AGMO: variants seen among roughly 807,000 people sequenced by gnomAD.
AGMO encodes the protein glyceryl-ether monooxygenase.
A neutral mutation model predicts 60.2 loss-of-function variants in AGMO; 75 were observed. The ratio of observed to expected loss-of-function variants is 1.25; its 90% CI spans 1.03 to 1.51. AGMO has a LOEUF of 1.51. Ranked by LOEUF, AGMO falls within the 40% of genes most tolerant of loss-of-function variation. The pLI is 0.00. For missense variants in AGMO, 763 were observed against 525.5 expected, an observed-to-expected ratio of 1.45 and a Z score of -4.42; for synonymous variants, 261 against 177.1, an observed-to-expected ratio of 1.47 and a Z score of -3.76.
the AGMO span, among the ~76,000 whole-genome samples, chr7:15,154,212 A>T: frequency 6.6e-6 from 1 of 152,336 alleles, no homozygotes; most frequent in Non-Finnish European, 1.5e-5. Context: ...TACACAAATT[A>T]GTAGCTCTGC....
chr7:15,481,674 A>T (rs143259254), intron 3 of AGMO, among the ~76,000 whole-genome samples: 1 of 151,970 alleles, frequency 6.6e-6, no homozygotes, highest in African/African-American at 2.4e-5. Context: ...CAGGCAAAAT[A>T]CTTAATGAGA....
intron 2 of AGMO, among the ~76,000 whole-genome samples, chr7:15,553,219 C>G (rs1292982030): frequency 6.6e-6 from 1 of 151,300 alleles, no homozygotes; most frequent in Non-Finnish European, 1.5e-5. Context: ...ATACCTAATG[C>G]TAGATGACGA....
intron 3 of AGMO, among the ~76,000 whole-genome samples, chr7:15,518,384 T>A (rs1233187342): frequency 6.6e-6 from 1 of 152,124 alleles, no homozygotes; most frequent in African/African-American, 2.4e-5. Context: ...GGGAGACACC[T>A]CCCAGCAGGG....
At chr7:15,248,220 AT>A (rs1782821860) in intron 12 of AGMO, among the ~76,000 whole-genome samples, 1 of 110,898 alleles carries the variant, frequency 9.0e-6, no homozygotes, top group Non-Finnish European at 1.9e-5. Context: ...ATATATATAT[AT>A]ATATCTTCAT....
intron 12 of AGMO, among the ~76,000 whole-genome samples, chr7:15,323,471 G>A (rs1378997557): frequency 6.6e-6 from 1 of 152,118 alleles, no homozygotes; most frequent in Non-Finnish European, 1.5e-5. Context: ...CAATAAATAT[G>A]TCATATGGAG....
rs147609346 is a variant in AGMO, at chr7:15,425,889, G to C, written c.513+5116C>G. Among the ~76,000 whole-genome samples, 1,130 of 152,256 alleles carry C rather than the reference G, an allele frequency of 7.4e-3. 20 individuals are homozygous for C. Among genetic ancestry groups the C allele is most frequent in the African/African-American group, 0.026 (1,067 of 41,556 alleles). On this transcript the variant is annotated intron_variant, in intron 4 of 12. Coordinates refer to ENST00000342526, the MANE Select transcript of AGMO (RefSeq NM_001004320.2). ...ATTTTAAAGGTGGAAAGACATGACA[G>C]AGCTAAAAAATTCACTCACTCTAGT...
chr7:15,179,316 G>A, the AGMO span, among the ~76,000 whole-genome samples: 69 of 152,164 alleles, frequency 4.5e-4, no homozygotes, highest in African/African-American at 1.6e-3. Context: ...TTTATCCTGA[G>A]GCAAATTTCC....
At chr7:15,241,331 G>T (rs1782580020) in intron 12 of AGMO, among the ~76,000 whole-genome samples, 1 of 150,876 alleles carries the variant, frequency 6.6e-6, no homozygotes, top group Admixed American at 6.6e-5. Flanking sequence ...GTGGTGGTGG[G>T]CGCCTGTAAT....
At chr7:15,441,699 CATATT>C (rs1220950629) in intron 3 of AGMO, among the ~76,000 whole-genome samples, 1 of 152,104 alleles carries the variant, frequency 6.6e-6, no homozygotes, top group East Asian at 1.9e-4. Flanking sequence ...GAACTTCTAC[CATATT>C]ATATTTGGAA....
At chr7:15,547,073 A>G (rs1185974289) in intron 2 of AGMO, among the ~76,000 whole-genome samples, 1 of 152,190 alleles carries the variant, frequency 6.6e-6, no homozygotes, top group Non-Finnish European at 1.5e-5. Flanking sequence ...CTTAACCTTA[A>G]CACTATTACA....
At chr7:15,313,822 CAT>C (rs924047857) in intron 12 of AGMO, among the ~76,000 whole-genome samples, 5 of 151,890 alleles carry the variant, frequency 3.3e-5, no homozygotes, top group African/African-American at 1.2e-4. Context: ...CTAATAATAA[CAT>C]AGTACAATTA....
chr7:15,142,030 C>T, the AGMO span, among the ~76,000 whole-genome samples: 8 of 152,134 alleles, frequency 5.3e-5, no homozygotes, highest in Admixed American at 1.3e-4. Flanking sequence ...AGTCAAACTG[C>T]CTGATCCATG....
At chr7:15,169,320 T>A in the AGMO span, among the ~76,000 whole-genome samples, 2 of 152,214 alleles carry the variant, frequency 1.3e-5, no homozygotes, top group African/African-American at 4.8e-5. Context: ...TGAGTGTGGA[T>A]CTGCCACTGA....
Position 15,551,019 on chromosome 7 carries a change from A to T in AGMO, c.258-6096T>A, listed in dbSNP as rs1176687931. ...GATGCAAGGCTGGTTCAATATACGC[A>T]AATCAATAAATGTAATCCAGCATAT... is the stretch of plus-strand genomic sequence containing the variant. On this transcript the variant is annotated intron_variant, in intron 2 of 12. Coordinates refer to ENST00000342526, the MANE Select transcript of AGMO (RefSeq NM_001004320.2). Among the ~76,000 whole-genome samples, 221 of 147,466 alleles carry T rather than the reference A, an allele frequency of 1.5e-3. 1 individual carries two copies. Among genetic ancestry groups the T allele is most frequent in the African/African-American group, 5.2e-3 (207 of 39,846 alleles).
chr7:15,330,808 C>T lies in AGMO; in HGVS notation c.1263+34706G>A, dbSNP rs1276584766. ...TTACTTAACATCTTTCTAAGCCTCT[C>T]CTTATTTTTTTTTAATCTGCCAAAT... On this transcript the variant is annotated intron_variant, in intron 12 of 12. Transcript: ENST00000342526. Among the ~76,000 whole-genome samples the T allele has an allele frequency of 2.6e-5, 4 of 151,992 alleles. No individual in the cohort carries two copies. The East Asian group carries it at 7.7e-4, about 29-fold the overall frequency.
At chr7:15,222,157 C>T (rs892537632) in intron 12 of AGMO, among the ~76,000 whole-genome samples, 4 of 152,028 alleles carry the variant, frequency 2.6e-5, no homozygotes, top group African/African-American at 9.7e-5. Flanking sequence ...TTTATTAAAG[C>T]ATTTTGGGAA....
intron 12 of AGMO, among the ~76,000 whole-genome samples, chr7:15,256,966 C>G (rs6954328): frequency 0.46 from 70,483 of 151,904 alleles, 16,542 homozygotes; most frequent in Admixed American, 0.54. Context: ...CCATGGTGTT[C>G]TTCTTGTAAG....
At chr7:15,302,263 T>A (rs921641713) in intron 12 of AGMO, among the ~76,000 whole-genome samples, 1 of 152,098 alleles carries the variant, frequency 6.6e-6, no homozygotes, top group Non-Finnish European at 1.5e-5. Flanking sequence ...AAATAAACAT[T>A]CTTTGGGAAA....
chr7:15,541,078 GA>G (rs139277093), intron 3 of AGMO, among the ~76,000 whole-genome samples: 3,486 of 152,128 alleles, frequency 0.023, 129 homozygotes, highest in African/African-American at 0.079. Flanking sequence ...AATGTACAAA[GA>G]AAAATAATAT....
Sources: gnomAD v4.1 joint callset for allele counts (sites outside exome capture counted in the v4.1 genomes callset) on GRCh38, gnomAD v4.1.1 for gene constraint, MANE v1.5 for transcripts, NCBI Gene and HGNC (gene_info 2026-07-23, HGNC 2026-07-21) for gene names.